The following POSTN variants were observed in gnomAD, a reference collection of about 807,000 sequenced individuals.
The protein encoded by POSTN is periostin.
POSTN carries 71 observed loss-of-function variants against 104.5 expected under a neutral mutation model. That is an observed-to-expected ratio of 0.68 (90% CI 0.56 to 0.83). The LOEUF (loss-of-function observed/expected upper bound fraction) is 0.83, where lower values mean the gene tolerates loss of function less well. POSTN is among the 40% of genes least tolerant of loss of function. POSTN has a pLI of 0.00. For missense variants in POSTN, 949 were observed against 1,006.8 expected (o/e 0.94, Z 0.78); for synonymous variants, 355 against 340.7 (o/e 1.04, Z -0.46).
In POSTN at chr13:37,590,435, G is replaced by A. The variant is rs147839421; in HGVS notation, c.378C>T (p.Ile126=). Residue 126 remains isoleucine (I), a synonymous_variant, in exon 4 of 23, where the codon ATC becomes ATT. Coordinates refer to ENST00000379747, the MANE Select transcript of POSTN (RefSeq NM_006475.3). ...YSDASKLREE[I]EGKGSFTYFA... Reference sequence around the variant, plus strand: ...AGTAAGTGAAGGATCCCTTTCCCTCGATCTCCTCCCTCAGTTTTGAGGCGT... The same window carrying A: ...AGTAAGTGAAGGATCCCTTTCCCTCAATCTCCTCCCTCAGTTTTGAGGCGT... 29 of 1,612,332 alleles carry A rather than the reference G, an allele frequency of 1.8e-5. No individual in the cohort carries two copies. Among genetic ancestry groups the A allele is most frequent in the Admixed American group, 3.3e-5 (2 of 59,836 alleles).
At chr13:37,576,466 AG>A (rs1261896311) in intron 16 of POSTN, among the ~76,000 whole-genome samples, 2 of 152,120 alleles carry the variant, frequency 1.3e-5, no homozygotes, top group Admixed American at 1.3e-4. Flanking sequence ...TCTGTGAGTG[AG>A]GATGTAATTT....
At chr13:37,571,673 T>C in intron 17 of POSTN, 1 of 455,456 alleles carries the variant, frequency 2.2e-6, no homozygotes. Context: ...CTACTAAAAT[T>C]ACTTTCATCT....
In POSTN at chr13:37,582,504, G is replaced by A. The variant is rs1441708317; in HGVS notation, c.1254C>T (p.Leu418=). ...ATTTAAGGAGGCGCTGATCCATGCT[G>A]AGAGTATCATCTGTAAATAAATTCA... ...PVNNAFSDDT[L]SMDQRLLKLI... is the part of the protein sequence containing the mutation. The change falls in exon 10 of 23, where the codon CTC becomes CTT. Residue 418 remains leucine, a synonymous_variant. Coordinates refer to ENST00000379747, the MANE Select transcript of POSTN (RefSeq NM_006475.3). 1 of 1,601,598 alleles carries A rather than the reference G, an allele frequency of 6.2e-7. No individual in the cohort carries two copies. Among genetic ancestry groups the A allele is most frequent in the Non-Finnish European group, 8.5e-7 (1 of 1,176,170 alleles).
intron 2 of POSTN, 129 bp from the exon 3 acceptor site, chr13:37,592,293 C>G: frequency 6.4e-6 from 4 of 627,752 alleles, no homozygotes; most frequent in Non-Finnish European, 1.1e-5. Context: ...TTTTTTTCCC[C>G]CCTGATTTTT....
At chr13:37,566,411 G>C (rs1164872563) in intron 21 of POSTN, among the ~76,000 whole-genome samples, 2 of 152,114 alleles carry the variant, frequency 1.3e-5, no homozygotes, top group African/African-American at 4.8e-5. Context: ...TTACTTAATT[G>C]ACCATGTTAA....
chr13:37,569,036 A>G (rs962657215), intron 21 of POSTN: 7 of 252,514 alleles, frequency 2.8e-5, no homozygotes, highest in African/African-American at 1.6e-4. Flanking sequence ...AGGCCCTTAA[A>G]ATTATCTGAA....
Position 37,598,730 on chromosome 13 carries a change from G to A in POSTN, c.-4C>T, listed in dbSNP as rs17197663. ...ACATGGGTAAAAAGGGAATCATCTT[G>A]AGTCTCTCCGTTGCAGTTAGTCCCC... On this transcript the variant is annotated 5_prime_UTR_variant, in exon 1 of 23. Coordinates refer to ENST00000379747, the MANE Select transcript of POSTN (RefSeq NM_006475.3). The A allele has an allele frequency of 0.12, 190,025 of 1,612,130 alleles. 12,496 individuals carry two copies. Among genetic ancestry groups the A allele is most frequent in the Middle Eastern group, 0.2 (1,218 of 6,050 alleles).
intron 4 of POSTN, among the ~76,000 whole-genome samples, chr13:37,590,009 T>A (rs1314225777): frequency 6.6e-6 from 1 of 152,158 alleles, no homozygotes; most frequent in Non-Finnish European, 1.5e-5. Flanking sequence ...CTTATGATAA[T>A]TTTAAATTTC....
chr13:37,583,997 C>T lies in POSTN; in HGVS notation c.1215G>A (p.Leu405=), dbSNP rs757107822. 1 of 1,613,768 alleles carries T rather than the reference C, an allele frequency of 6.2e-7. No individual in the cohort carries two copies. Among genetic ancestry groups the T allele is most frequent in the South Asian group, 1.1e-5 (1 of 91,022 alleles). The part of the protein sequence containing the change: ...SALRPDGEYT[L]LAPVNNAFSD... ...AAAATGCATTATTCACAGGTGCCAG[C>T]AAAGTGTATTCTCCATCTGGCCTCA... is the stretch of plus-strand genomic sequence containing the variant. The change falls in exon 9 of 23, where the codon TTG becomes TTA. Residue 405 remains leucine, a synonymous_variant. Transcript: ENST00000379747.
chr13:37,587,769 C>T, intron 5 of POSTN, 53 bp downstream of exon 5: 1 of 1,338,830 alleles, frequency 7.5e-7, no homozygotes, highest in Non-Finnish European at 1.0e-6. Context: ...AAAGTATAGA[C>T]AAAATTAAAG....
chr13:37,573,699 T>G (rs2138204802), intron 17 of POSTN, among the ~76,000 whole-genome samples: 1 of 151,742 alleles, frequency 6.6e-6, no homozygotes, highest in South Asian at 2.1e-4. Context: ...TCTAGCTTTC[T>G]TATAGCACAA....
Position 37,564,507 on chromosome 13 carries a change from C to T in POSTN, c.2473+12G>A, listed in dbSNP as rs1289328130. 3 of 1,537,866 alleles carry T rather than the reference C, an allele frequency of 2.0e-6. No homozygotes were observed. On this transcript the variant is annotated intron_variant, in intron 22 of 22. Coordinates refer to ENST00000379747, the MANE Select transcript of POSTN (RefSeq NM_006475.3). ...GGCCATATACACACATTACTATAGCCAATACACTTACCTTGAACTTTTTTG... is the reference window on the plus strand; with the variant it reads ...GGCCATATACACACATTACTATAGCTAATACACTTACCTTGAACTTTTTTG...
intron 21 of POSTN, among the ~76,000 whole-genome samples, chr13:37,566,588 G>T (rs565101870): frequency 3.3e-5 from 5 of 152,288 alleles, no homozygotes; most frequent in African/African-American, 1.2e-4. Context: ...TTGGGATTGA[G>T]TTGGGGCTCA....
chr13:37,569,876 C>T (rs759977875), intron 19 of POSTN, 55 bp from the exon 20 acceptor site: 24 of 1,185,668 alleles, frequency 2.0e-5, no homozygotes, highest in Middle Eastern at 2.0e-4. Context: ...ACTTCTTCTG[C>T]GAAGTGACAG....
At chr13:37,568,396 A>T (rs75180268) in intron 21 of POSTN, among the ~76,000 whole-genome samples, 4,548 of 152,178 alleles carry the variant, frequency 0.03, 214 homozygotes, top group African/African-American at 0.1. Context: ...GGACATAGTG[A>T]TACAGTTTTA....
intron 9 of POSTN, 45 bp from the exon 10 acceptor site, chr13:37,582,559 A>T: frequency 6.6e-7 from 1 of 1,512,400 alleles, no homozygotes. Context: ...TATTTAGAAA[A>T]CATTGAAGTT....
intron 15 of POSTN, among the ~76,000 whole-genome samples, chr13:37,578,569 G>A (rs964951054): frequency 1.2e-4 from 18 of 151,900 alleles, no homozygotes; most frequent in Admixed American, 1.3e-4. Context: ...AGGCTGAGGC[G>A]GGTGGATCAC....
At chr13:37,570,524 C>T (rs1248587270) in intron 19 of POSTN, 56 bp downstream of exon 19, 10 of 1,140,726 alleles carry the variant, frequency 8.8e-6, no homozygotes, top group African/African-American at 6.2e-5. Flanking sequence ...TGGGGATTAA[C>T]TATAATTTGA....
At chr13:37,577,915 A>G in intron 15 of POSTN, 117 bp from the exon 16 acceptor site, 1 of 1,474,824 alleles carries the variant, frequency 6.8e-7, no homozygotes, top group Non-Finnish European at 9.0e-7. Flanking sequence ...TACACTTAAT[A>G]GAAGTGAAGT....
Sources: allele counts gnomAD v4.1 joint callset (sites outside exome capture counted in the v4.1 genomes callset), GRCh38; gene constraint gnomAD v4.1.1; transcripts MANE v1.5; gene names NCBI Gene and HGNC (gene_info 2026-07-23, HGNC 2026-07-21).